Variants in DCDC2 observed in about 807,000 individuals in gnomAD.
DCDC2 encodes doublecortin domain containing 2.
A neutral mutation model predicts 50.2 loss-of-function variants in DCDC2; 40 were observed. The observed-to-expected ratio is 0.80, with a 90% confidence interval of 0.62 to 1.04. DCDC2 has a LOEUF of 1.04. Among genes scored for constraint, DCDC2 ranks in the 50% least tolerant of loss-of-function variants. The pLI is 0.00. For missense variants in DCDC2, 570 were observed against 581.9 expected (o/e 0.98, Z 0.21); for synonymous variants, 234 against 210.6 (o/e 1.11, Z -0.96).
At chr6:24,343,708 A>G (rs892515043) in intron 2 of DCDC2, among the ~76,000 whole-genome samples, 1 of 152,218 alleles carries the variant, frequency 6.6e-6, no homozygotes, top group Non-Finnish European at 1.5e-5. Flanking sequence ...ATCTCATGCA[A>G]TATAAGAACA....
chr6:24,198,102 G>C (rs973742759), intron 8 of DCDC2, among the ~76,000 whole-genome samples: 1 of 152,050 alleles, frequency 6.6e-6, no homozygotes, highest in Admixed American at 6.5e-5. Flanking sequence ...GCAAATATTT[G>C]ACTTACATTT....
chr6:24,274,946 T>C lies in DCDC2; in HGVS notation c.922+3103A>G, dbSNP rs898631035. On this transcript the variant is annotated intron_variant, in intron 7 of 9. Coordinates refer to ENST00000378454, the MANE Select transcript of DCDC2 (RefSeq NM_016356.5). ...AACCCTAAAATTTATCACTTTGAAATAAAACTAAATAGCTTATTTAATATC... is the reference window on the plus strand; with the variant it reads ...AACCCTAAAATTTATCACTTTGAAACAAAACTAAATAGCTTATTTAATATC... Among the ~76,000 whole-genome samples the C allele has an allele frequency of 6.6e-5, 10 of 152,220 alleles. No individual in the cohort carries two copies. In the East Asian group the frequency reaches 1.9e-3, roughly 29 times the overall value.
intron 7 of DCDC2, among the ~76,000 whole-genome samples, chr6:24,238,505 G>A (rs1475661598): frequency 6.6e-6 from 1 of 151,730 alleles, no homozygotes; most frequent in Non-Finnish European, 1.5e-5. Flanking sequence ...CACCATGTTG[G>A]CCAGGCTGGT....
At chr6:24,178,890 C>G (rs1760986696) in intron 8 of DCDC2, among the ~76,000 whole-genome samples, 1 of 152,054 alleles carries the variant, frequency 6.6e-6, no homozygotes, top group African/African-American at 2.4e-5. Flanking sequence ...GAAAACTAAA[C>G]AGGTGGAGCC....
At chr6:24,205,176 C>A (rs749054505) in intron 7 of DCDC2, 74 bp from the exon 8 acceptor site, 1 of 1,613,934 alleles carries the variant, frequency 6.2e-7, no homozygotes, top group African/African-American at 1.3e-5. Flanking sequence ...GAATTACAAT[C>A]AAATGCTTAT....
At chr6:24,291,579 G>A (rs1348542061) in intron 4 of DCDC2, among the ~76,000 whole-genome samples, 83 of 148,174 alleles carry the variant, frequency 5.6e-4, no homozygotes, top group African/African-American at 2.0e-3. Context: ...TCCGCCTCCC[G>A]GGTTCATGCC....
chr6:24,327,885 G>A (rs998362163), intron 2 of DCDC2, among the ~76,000 whole-genome samples: 1 of 152,110 alleles, frequency 6.6e-6, no homozygotes, highest in Non-Finnish European at 1.5e-5. Flanking sequence ...CTTTCTCCTT[G>A]CATTTGCTAG....
chr6:24,305,213 A>G (rs899467959), intron 2 of DCDC2, among the ~76,000 whole-genome samples: 9 of 152,214 alleles, frequency 5.9e-5, no homozygotes, highest in Non-Finnish European at 7.3e-5. Context: ...TATGTAAATT[A>G]TTACTTGAAT....
intron 7 of DCDC2, among the ~76,000 whole-genome samples, chr6:24,233,180 T>C (rs531064053): frequency 6.6e-6 from 1 of 152,342 alleles, no homozygotes; most frequent in African/African-American, 2.4e-5. Context: ...TTAGGTATAC[T>C]GTTAGGTTCA....
intron 2 of DCDC2, among the ~76,000 whole-genome samples, chr6:24,309,307 AC>A (rs199960721): frequency 1.5e-4 from 2 of 13,698 alleles, no homozygotes; most frequent in South Asian, 0.032. Context: ...CCCGGGCGAC[AC>A]AGTGCAAGAC....
intron 8 of DCDC2, among the ~76,000 whole-genome samples, chr6:24,204,372 C>T (rs1449376578): frequency 6.6e-6 from 1 of 152,124 alleles, no homozygotes; most frequent in East Asian, 1.9e-4. Flanking sequence ...TCATTCTCAG[C>T]AAACTAACAC....
the DCDC2 span, among the ~76,000 whole-genome samples, chr6:24,364,194 G>A: frequency 2.0e-5 from 3 of 151,982 alleles, no homozygotes; most frequent in African/African-American, 7.3e-5. Context: ...CCCAGATCAG[G>A]ATAAACCCCC....
At chr6:24,359,234 A>T (rs1395250562), upstream of DCDC2, among the ~76,000 whole-genome samples, 33 of 48,328 alleles carry the variant, frequency 6.8e-4, 2 homozygotes, top group Non-Finnish European at 8.7e-4. Flanking sequence ...TATATATTTT[A>T]TATATTTTAT....
chr6:24,291,226 T>C (rs1738205895), intron 4 of DCDC2, 148 bp from the exon 5 acceptor site: 1 of 774,718 alleles, frequency 1.3e-6, no homozygotes, highest in Admixed American at 2.9e-5. Context: ...TTTGTTACTA[T>C]CCTCATTATT....
intron 2 of DCDC2, among the ~76,000 whole-genome samples, chr6:24,305,795 G>GGC (rs1554117947): frequency 9.4e-6 from 1 of 106,482 alleles, no homozygotes; most frequent in Admixed American, 8.6e-5. Context: ...GGGAGGCCAA[G>GGC]GGGGGGTGGA....
intron 2 of DCDC2, among the ~76,000 whole-genome samples, chr6:24,317,548 A>C (rs1759694523): frequency 6.6e-6 from 1 of 152,114 alleles, no homozygotes; most frequent in African/African-American, 2.4e-5. Context: ...CAAGTACTAA[A>C]AGAAAACATG....
chr6:24,345,892 C>T (rs1176572110), intron 2 of DCDC2, among the ~76,000 whole-genome samples: 1 of 152,076 alleles, frequency 6.6e-6, no homozygotes, highest in Non-Finnish European at 1.5e-5. Flanking sequence ...ATTATCTTTA[C>T]TGCAAGACTG....
intron 8 of DCDC2, among the ~76,000 whole-genome samples, chr6:24,182,638 A>AAAAAAAAAAAAC (rs1316093049): frequency 7.3e-5 from 11 of 150,344 alleles, no homozygotes; most frequent in Non-Finnish European, 1.6e-4. Context: ...AGAAAAAAAA[A>AAAAAAAAAAAAC]AAAAAACAGA....
At chr6:24,306,128 G>A (rs777842039) in intron 2 of DCDC2, among the ~76,000 whole-genome samples, 44 of 152,264 alleles carry the variant, frequency 2.9e-4, no homozygotes, top group African/African-American at 6.0e-4. Flanking sequence ...ACCTAGAGAT[G>A]GAGTATGAGG....
Sources: allele counts gnomAD v4.1 joint callset (sites outside exome capture counted in the v4.1 genomes callset), GRCh38; gene constraint gnomAD v4.1.1; transcripts MANE v1.5; gene names NCBI Gene and HGNC (gene_info 2026-07-23, HGNC 2026-07-21).